FAAH2: variants seen among roughly 807,000 people sequenced by gnomAD.
FAAH2 encodes fatty-acid amide hydrolase 2.
Under a neutral mutation model 36.9 loss-of-function variants are expected in FAAH2, and 60 were observed. That is an observed-to-expected ratio of 1.63 (90% confidence interval 1.32 to 2.02). The LOEUF (loss-of-function observed/expected upper bound fraction) is 2.02, where lower values mean the gene tolerates loss of function less well. FAAH2 is among the 30% of genes most tolerant of loss of function. FAAH2 has a pLI of 0.00. For missense variants in FAAH2, 689 were observed against 397.5 expected, an observed-to-expected ratio of 1.73 and a Z score of -6.23; for synonymous variants, 214 against 143.8, an observed-to-expected ratio of 1.49 and a Z score of -3.49.
At chrX:57,451,811 T>C (rs1283481801) in intron 10 of FAAH2, among the ~76,000 whole-genome samples, 2 of 112,187 alleles carry the variant, frequency 1.8e-5, no homozygotes, top group East Asian at 5.6e-4. Flanking sequence ...TTTATTTGTC[T>C]TGGCACCCTG....
At chrX:57,252,672 G>T in the FAAH2 span, among the ~76,000 whole-genome samples, 1 of 112,357 alleles carries the variant, frequency 8.9e-6, no homozygotes, top group East Asian at 2.8e-4. Flanking sequence ...CTGCAGCTGA[G>T]GGGTCAGTCT....
At chrX:57,201,426 C>T in the FAAH2 span, among the ~76,000 whole-genome samples, 2 of 103,160 alleles carry the variant, frequency 1.9e-5, no homozygotes, top group Non-Finnish European at 3.8e-5. Flanking sequence ...TTACTTTTTA[C>T]TCCATAAAAA....
At position 57,489,105 on chromosome X, in the gene FAAH2, TA is replaced by T; in HGVS notation, c.*177del. 1 of 497,920 alleles carries T rather than the reference TA, an allele frequency of 2.0e-6. No homozygotes were observed. Among genetic ancestry groups the T allele is most frequent in the Non-Finnish European group, 3.1e-6 (1 of 326,140 alleles). The allele number at this position is 497,920 out of a possible 1,213,427, so 41.0% of individuals were successfully genotyped here. On this transcript the variant is annotated 3_prime_UTR_variant, in exon 11 of 11. Transcript: ENST00000374900. The stretch of plus-strand genomic sequence containing the variant: ...TTCCTTCTCTAACTGTTGGTCTTAC[TA>T]AAATGGTAATATTTGCTTCTTGCTT...
At chrX:57,392,865 G>A (rs1286884521) in intron 7 of FAAH2, 4 of 759,386 alleles carry the variant, frequency 5.3e-6, no homozygotes, top group African/African-American at 4.1e-5. Context: ...CATGCAGATG[G>A]GGAGATTCCC....
intron 5 of FAAH2, among the ~76,000 whole-genome samples, chrX:57,365,040 T>G (rs2054380487): frequency 8.9e-6 from 1 of 111,912 alleles, no homozygotes; most frequent in South Asian, 3.7e-4. Context: ...ATTCTGTAGA[T>G]AGCTATTAGG....
At chrX:57,478,660 T>C (rs1176056519) in intron 10 of FAAH2, among the ~76,000 whole-genome samples, 2 of 111,857 alleles carry the variant, frequency 1.8e-5, no homozygotes, top group Non-Finnish European at 3.8e-5. Flanking sequence ...GAATTAATTT[T>C]TGTATAAGGT....
the FAAH2 span, among the ~76,000 whole-genome samples, chrX:57,144,754 G>A: frequency 4.5e-5 from 5 of 110,530 alleles, no homozygotes; most frequent in African/African-American, 1.3e-4. Context: ...TCCCACTTAT[G>A]AGTGAGAACA....
rs751817787 is a variant in FAAH2, at chrX:57,434,632, T to A, written c.1116+2595T>A. 1.6e-3 allele frequency among the ~76,000 whole-genome samples: 181 copies of A among 110,087 alleles called. 1 individual carries two copies. Among genetic ancestry groups the A allele is most frequent in the African/African-American group, 5.7e-3 (173 of 30,408 alleles). On this transcript the variant is annotated intron_variant, in intron 8 of 10. Transcript: ENST00000374900. ...AGACAAATGAACAAAGCCCTTAAGA[T>A]GAGTGTGCAAAAATAACAATACTTA...
At chrX:57,198,201 A>C in the FAAH2 span, among the ~76,000 whole-genome samples, 6 of 111,529 alleles carry the variant, frequency 5.4e-5, no homozygotes, top group Non-Finnish European at 1.1e-4. Context: ...ATGTGGGGGC[A>C]TGGTTAGGCA....
intron 9 of FAAH2, among the ~76,000 whole-genome samples, 171 bp downstream of exon 9, chrX:57,447,210 C>A (rs113759512): frequency 2.7e-5 from 3 of 112,051 alleles, no homozygotes; most frequent in African/African-American, 9.7e-5. Flanking sequence ...ATCCAGGTCA[C>A]GCTGATGCAA....
At chrX:57,383,545 C>A (rs1361549343) in intron 7 of FAAH2, among the ~76,000 whole-genome samples, 1 of 111,546 alleles carries the variant, frequency 9.0e-6, no homozygotes, top group Non-Finnish European at 1.9e-5. Flanking sequence ...AAACAGAGAA[C>A]CAAATCATGA....
In FAAH2 at chrX:57,457,322, G is replaced by A. The variant is rs896797401; in HGVS notation, c.1423+8604G>A. ...CCTAAAAATAGTAAAAGCCATCTACGACAAACCCACAGCCAACGTAATACT... is the reference window on the plus strand; with the variant it reads ...CCTAAAAATAGTAAAAGCCATCTACAACAAACCCACAGCCAACGTAATACT... On this transcript the variant is annotated intron_variant, in intron 10 of 10. Transcript: ENST00000374900. 7.2e-5 allele frequency among the ~76,000 whole-genome samples: 8 copies of A among 111,084 alleles called. No individual in the cohort carries two copies. In the Admixed American group the frequency reaches 7.7e-4, roughly 11 times the overall value.
the FAAH2 span, chrX:57,135,561 C>T: frequency 2.2e-4 from 104 of 483,357 alleles, no homozygotes; most frequent in East Asian, 3.8e-3. Context: ...TATTCACAGC[C>T]GAAATTGACA....
chrX:57,212,487 T>A, the FAAH2 span, among the ~76,000 whole-genome samples: 1 of 111,425 alleles, frequency 9.0e-6, no homozygotes, highest in Non-Finnish European at 1.9e-5. Context: ...ATTCAGGATA[T>A]GAAATAAGAA....
intron 5 of FAAH2, among the ~76,000 whole-genome samples, chrX:57,374,147 G>A (rs2054614331): frequency 9.0e-6 from 1 of 111,707 alleles, no homozygotes; most frequent in Admixed American, 9.5e-5. Context: ...ATTAGGTAAT[G>A]TGTTGCCTCC....
At chrX:57,234,004 T>C in the FAAH2 span, among the ~76,000 whole-genome samples, 1 of 112,935 alleles carries the variant, frequency 8.9e-6, no homozygotes, top group South Asian at 3.6e-4. Flanking sequence ...GGTTGCTAGG[T>C]AAATACAAAA....
intron 2 of FAAH2, among the ~76,000 whole-genome samples, chrX:57,308,580 G>T (rs2052606957): frequency 9.0e-6 from 1 of 111,528 alleles, no homozygotes; most frequent in Non-Finnish European, 1.9e-5. Flanking sequence ...TATTCTGTAG[G>T]TTGTTTATTA....
the FAAH2 span, among the ~76,000 whole-genome samples, chrX:57,223,983 A>G: frequency 6.3e-5 from 7 of 111,078 alleles, no homozygotes; most frequent in African/African-American, 2.3e-4. Context: ...GGCTCTAAAA[A>G]CTCACCAGTC....
intron 10 of FAAH2, among the ~76,000 whole-genome samples, chrX:57,466,915 C>T (rs989610926): frequency 7.2e-5 from 8 of 111,255 alleles, no homozygotes; most frequent in South Asian, 7.6e-4. Context: ...TAATCACATA[C>T]ACAGACCATG....
Sources: gnomAD v4.1 joint callset for allele counts (sites outside exome capture counted in the v4.1 genomes callset) on GRCh38, gnomAD v4.1.1 for gene constraint, MANE v1.5 for transcripts, NCBI Gene and HGNC (gene_info 2026-07-23, HGNC 2026-07-21) for gene names.